Variants in HS6ST3 observed in about 807,000 individuals in gnomAD.
HS6ST3 encodes heparan sulfate 6-O-sulfotransferase 3, also known as heparan-sulfate 6-O-sulfotransferase 3.
Under a neutral mutation model 36.7 loss-of-function variants are expected in HS6ST3, and 12 were observed. The observed-to-expected ratio is 0.33, with a 90% CI of 0.21 to 0.53. The LOEUF (loss-of-function observed/expected upper bound fraction) is 0.53, where lower values mean the gene tolerates loss of function less well. Ranked by LOEUF, HS6ST3 falls within the 20% of genes least tolerant of loss-of-function variation. The pLI, the probability that HS6ST3 is intolerant of heterozygous loss-of-function variation, is 0.95. For missense variants in HS6ST3, 584 were observed against 640.9 expected (o/e 0.91, Z 0.96); for synonymous variants, 240 against 257.5 (o/e 0.93, Z 0.65).
intron 1 of HS6ST3, among the ~76,000 whole-genome samples, chr13:96,094,466 G>C (rs558030012): frequency 6.6e-6 from 1 of 152,152 alleles, no homozygotes; most frequent in Non-Finnish European, 1.5e-5. Flanking sequence ...CTTGTATTAA[G>C]CATCCTAGGT....
intron 1 of HS6ST3, among the ~76,000 whole-genome samples, chr13:96,647,113 T>TG (rs981348797): frequency 8.2e-4 from 124 of 152,104 alleles, no homozygotes; most frequent in African/African-American, 3.0e-3. Context: ...CGTCAGACAC[T>TG]GGGGGTGGAA....
In HS6ST3 at chr13:96,090,353, G is replaced by A. The variant is rs555050103; in HGVS notation, c.-510G>A. ...GGCGCCGGGCGCGCGTGCCGGGCGCGGTGCCCGCGGCCGGCCGGGGCGGCG... is the reference window on the plus strand; with the variant it reads ...GGCGCCGGGCGCGCGTGCCGGGCGCAGTGCCCGCGGCCGGCCGGGGCGGCG... On this transcript the variant is annotated 5_prime_UTR_variant, in exon 1 of 2. Coordinates refer to ENST00000376705, the MANE Select transcript of HS6ST3 (RefSeq NM_153456.4). Among the ~76,000 whole-genome samples, 60 of 146,508 alleles carry A rather than the reference G, an allele frequency of 4.1e-4. No homozygotes were observed. The highest frequency in any genetic ancestry group is 1.2e-3 in the African/African-American group (50 of 40,952).
chr13:96,217,113 G>A (rs1420315578), intron 1 of HS6ST3, among the ~76,000 whole-genome samples: 1 of 152,092 alleles, frequency 6.6e-6, no homozygotes, highest in Non-Finnish European at 1.5e-5. Context: ...TTGAGGAGTT[G>A]GGTATTGGGG....
At chr13:96,815,600 AACCCC>A (rs1188913624) in intron 1 of HS6ST3, among the ~76,000 whole-genome samples, 2 of 152,142 alleles carry the variant, frequency 1.3e-5, no homozygotes, top group African/African-American at 4.8e-5. Context: ...ACCCCTAACT[AACCCC>A]ACCCATCATA....
chr13:96,276,570 T>C (rs977696412), intron 1 of HS6ST3, among the ~76,000 whole-genome samples: 22 of 152,206 alleles, frequency 1.4e-4, no homozygotes, highest in Admixed American at 1.3e-4. Flanking sequence ...GTTCTAAAGA[T>C]TCAATACAGT....
At chr13:96,143,684 C>T (rs542408589) in intron 1 of HS6ST3, among the ~76,000 whole-genome samples, 1 of 151,964 alleles carries the variant, frequency 6.6e-6, no homozygotes, top group Middle Eastern at 3.2e-3. Context: ...CCTTTCTAGA[C>T]ACACTCTAAA....
intron 1 of HS6ST3, among the ~76,000 whole-genome samples, chr13:96,710,531 A>G (rs979078437): frequency 2.6e-5 from 4 of 152,280 alleles, no homozygotes; most frequent in Non-Finnish European, 5.9e-5. Context: ...GTAAATACAC[A>G]TGATAGGCAG....
chr13:96,726,198 G>A (rs1876003328), intron 1 of HS6ST3, among the ~76,000 whole-genome samples: 1 of 152,142 alleles, frequency 6.6e-6, no homozygotes, highest in Non-Finnish European at 1.5e-5. Context: ...TCTAAGGTAG[G>A]TCTGGCTGTT....
intron 1 of HS6ST3, among the ~76,000 whole-genome samples, chr13:96,341,595 T>G (rs1433842920): frequency 1.3e-5 from 2 of 152,158 alleles, no homozygotes; most frequent in Non-Finnish European, 2.9e-5. Flanking sequence ...TGTGAGGCCC[T>G]AGGGTGAATA....
chr13:96,214,122 C>T lies in HS6ST3; in HGVS notation c.707+122553C>T, dbSNP rs1319689650. ...TGTTTTTATACTTATCCTACATATG[C>T]ATGTATGTCTAACCAAAAACTTTGT... is the stretch of plus-strand genomic sequence containing the variant. On this transcript the variant is annotated intron_variant, in intron 1 of 1. Transcript: ENST00000376705. 2.6e-5 allele frequency among the ~76,000 whole-genome samples: 4 copies of T among 152,190 alleles called. No homozygotes were observed. The East Asian group carries it at 7.7e-4, about 29-fold the overall frequency.
intron 1 of HS6ST3, among the ~76,000 whole-genome samples, chr13:96,503,306 A>G (rs2056012944): frequency 6.6e-6 from 1 of 152,166 alleles, no homozygotes; most frequent in Non-Finnish European, 1.5e-5. Flanking sequence ...GTTGAGAACT[A>G]CCCATTGGTG....
chr13:96,464,482 A>G (rs1257701833), intron 1 of HS6ST3, among the ~76,000 whole-genome samples: 1 of 152,168 alleles, frequency 6.6e-6, no homozygotes, highest in African/African-American at 2.4e-5. Flanking sequence ...GACTTAAAAT[A>G]CCACTTTCAA....
intron 1 of HS6ST3, among the ~76,000 whole-genome samples, chr13:96,238,529 A>C (rs74518825): frequency 0.017 from 2,593 of 152,316 alleles, 34 homozygotes; most frequent in East Asian, 0.055. Flanking sequence ...TTTTAGATTA[A>C]ATGCAGTTAA....
chr13:96,561,122 A>G (rs1293675708), intron 1 of HS6ST3, among the ~76,000 whole-genome samples: 1 of 152,138 alleles, frequency 6.6e-6, no homozygotes, highest in Non-Finnish European at 1.5e-5. Flanking sequence ...ATTACCTGAC[A>G]TCAAACTACA....
At chr13:96,215,948 T>C (rs1315619880) in intron 1 of HS6ST3, among the ~76,000 whole-genome samples, 1 of 152,216 alleles carries the variant, frequency 6.6e-6, no homozygotes, top group Non-Finnish European at 1.5e-5. Flanking sequence ...GTTGCTGTTA[T>C]CAACCTATTT....
At chr13:96,196,738 G>A (rs2054316256) in intron 1 of HS6ST3, among the ~76,000 whole-genome samples, 2 of 152,178 alleles carry the variant, frequency 1.3e-5, no homozygotes. Flanking sequence ...ACCACGGAGG[G>A]ACCTTTCTGA....
At chr13:96,469,799 C>T (rs1010694458) in intron 1 of HS6ST3, among the ~76,000 whole-genome samples, 12 of 151,958 alleles carry the variant, frequency 7.9e-5, no homozygotes, top group African/African-American at 2.4e-4. Context: ...GTAGTAGTGG[C>T]AGGTTATGGC....
intron 1 of HS6ST3, among the ~76,000 whole-genome samples, chr13:96,492,518 C>T (rs574465857): frequency 6.6e-6 from 1 of 152,342 alleles, no homozygotes; most frequent in African/African-American, 2.4e-5. Flanking sequence ...GCCAGGCATC[C>T]TATCTCTCTC....
chr13:96,665,235 A>G (rs192929188), intron 1 of HS6ST3, among the ~76,000 whole-genome samples: 1 of 152,290 alleles, frequency 6.6e-6, no homozygotes, highest in East Asian at 1.9e-4. Flanking sequence ...AAGCTTCTTC[A>G]TTCTTCATTT....
Sources: allele counts gnomAD v4.1 joint callset (sites outside exome capture counted in the v4.1 genomes callset), GRCh38; gene constraint gnomAD v4.1.1; transcripts MANE v1.5; gene names NCBI Gene and HGNC (gene_info 2026-07-23, HGNC 2026-07-21).